Variants in ECRG4 observed in about 807,000 individuals in gnomAD.
ECRG4 encodes augurin.
A neutral mutation model predicts 15.8 loss-of-function variants in ECRG4; 18 were observed. The observed-to-expected ratio is 1.14, with a 90% confidence interval of 0.79 to 1.69. The LOEUF (loss-of-function observed/expected upper bound fraction) is 1.69. Among genes scored for constraint, ECRG4 ranks in the 40% most tolerant of loss-of-function variants. The pLI, the probability that ECRG4 is intolerant of heterozygous loss-of-function variation, is 0.00. For synonymous variants in ECRG4, 82 were observed against 73.9 expected (o/e 1.11, Z -0.56); for missense variants, 200 against 190.9 (o/e 1.05, Z -0.28).
At position 106,077,983 on chromosome 2, in the gene ECRG4, C is replaced by CTAA; in HGVS notation, c.*59_*61dup. 1 of 1,530,140 alleles carries CTAA rather than the reference C, an allele frequency of 6.5e-7. No homozygotes were observed. The highest frequency in any genetic ancestry group is 8.9e-7 in the Non-Finnish European group (1 of 1,123,388). The allele number at this position is 1,530,140 out of a possible 1,614,324, so 94.8% of individuals were successfully genotyped here. ...AATAGCGATTCTCTTCATGTATCTCCTAATGCCTTACACTACTTGGTTTCT... is the reference window on the plus strand; with the variant it reads ...AATAGCGATTCTCTTCATGTATCTCCTAATAATGCCTTACACTACTTGGTTTCT... On this transcript the variant is annotated 3_prime_UTR_variant, in exon 4 of 4. Coordinates refer to ENST00000238044, the MANE Select transcript of ECRG4 (RefSeq NM_032411.3).
At chr2:106,072,123 G>A in intron 2 of ECRG4, 2 of 488,986 alleles carry the variant, frequency 4.1e-6, no homozygotes, top group East Asian at 3.2e-5. Context: ...CTGTCAGTGT[G>A]GACTCAAAAA....
At chr2:106,070,888 C>T (rs1455234172) in intron 1 of ECRG4, 1 of 470,964 alleles carries the variant, frequency 2.1e-6, no homozygotes, top group Non-Finnish European at 4.4e-6. Flanking sequence ...GTTCCTTACA[C>T]CCGAAGTTGC....
At chr2:106,064,851 T>A (rs1022346273), upstream of ECRG4, among the ~76,000 whole-genome samples, 1 of 152,156 alleles carries the variant, frequency 6.6e-6, no homozygotes, top group African/African-American at 2.4e-5. Flanking sequence ...GATAAAGTTG[T>A]TCTAGTTTTT....
chr2:106,063,965 A>G (rs992706505), upstream of ECRG4, among the ~76,000 whole-genome samples: 9 of 152,260 alleles, frequency 5.9e-5, no homozygotes. Context: ...CACAGGATAA[A>G]TAAGATTACA....
At chr2:106,073,746 A>C in intron 2 of ECRG4, 140 bp from the exon 3 acceptor site, 7 of 944,762 alleles carry the variant, frequency 7.4e-6, no homozygotes, top group Non-Finnish European at 1.2e-5. Flanking sequence ...TCACATTGTC[A>C]CATGCAAGTA....
At chr2:106,071,442 A>G (rs1045268406) in intron 1 of ECRG4, among the ~76,000 whole-genome samples, 16 of 152,132 alleles carry the variant, frequency 1.1e-4, no homozygotes, top group African/African-American at 2.4e-4. Flanking sequence ...TTTCCAAATA[A>G]GCTCACATTC....
chr2:106,067,472 ATTT>A (rs70953554), intron 1 of ECRG4, among the ~76,000 whole-genome samples: 1 of 145,600 alleles, frequency 6.9e-6, no homozygotes, highest in Non-Finnish European at 1.5e-5. Flanking sequence ...CAGTGAAAAT[ATTT>A]TTTTTTTTTT....
chr2:106,076,686 T>G (rs7584287), intron 3 of ECRG4, among the ~76,000 whole-genome samples: 65,310 of 152,014 alleles, frequency 0.43, 14,133 homozygotes, highest in South Asian at 0.56. Context: ...AACAACAGGT[T>G]GCTGAGTCCC....
In ECRG4 at chr2:106,077,874, G is replaced by C. The variant is rs749261815; in HGVS notation, c.395G>C (p.Arg132Pro). The C allele has an allele frequency of 7.4e-6, 12 of 1,614,128 alleles. No homozygotes were observed. Among genetic ancestry groups the C allele is most frequent in the Middle Eastern group, 3.3e-4 (2 of 6,062 alleles). The stretch of plus-strand genomic sequence containing the variant: ...GATGAAGACTCTGCAATTGGTCCCC[G>C]GAGCCCCTACGGCTTTAGGCATGGA... ...HYDEDSAIGP[R>P]SPYGFRHGAS... is the part of the protein sequence containing the mutation. The change falls in exon 4 of 4, where the codon CGG becomes CCG. Residue 132 changes from arginine (R) to proline (P), a missense_variant. Arg to Pro is a moderately radical substitution (Grantham distance 103). Coordinates refer to ENST00000238044, the MANE Select transcript of ECRG4 (RefSeq NM_032411.3).
intron 1 of ECRG4, among the ~76,000 whole-genome samples, chr2:106,069,143 CTT>C (rs1002560487): frequency 3.8e-4 from 48 of 126,854 alleles, no homozygotes; most frequent in Admixed American, 3.5e-3. Flanking sequence ...TTCTTTCTTT[CTT>C]TCTTTTCTTT....
intron 3 of ECRG4, among the ~76,000 whole-genome samples, chr2:106,075,721 C>CA (rs1398052497): frequency 7.5e-5 from 11 of 146,656 alleles, no homozygotes; most frequent in African/African-American, 2.6e-4. Context: ...GACTCCGTCT[C>CA]AAAAAAGAAA....
At chr2:106,070,949 A>G (rs1278034866) in intron 1 of ECRG4, 5 of 471,360 alleles carry the variant, frequency 1.1e-5, no homozygotes, top group Middle Eastern at 3.2e-4. Context: ...AGAGGCTCCT[A>G]TAGGTCTGCA....
chr2:106,069,843 G>A (rs1676324043), intron 1 of ECRG4, among the ~76,000 whole-genome samples: 1 of 152,298 alleles, frequency 6.6e-6, no homozygotes, highest in Non-Finnish European at 1.5e-5. Flanking sequence ...CGACAGGACA[G>A]TTACTTTCTT....
At chr2:106,067,860 G>A (rs1049930257) in intron 1 of ECRG4, among the ~76,000 whole-genome samples, 1 of 150,826 alleles carries the variant, frequency 6.6e-6, no homozygotes, top group Non-Finnish European at 1.5e-5. Flanking sequence ...TTTGAGACAG[G>A]GTCTCACTTT....
At position 106,071,887 on chromosome 2, in the gene ECRG4, A is replaced by G. The variant is rs892177996; in HGVS notation, c.123A>G (p.Arg41=). ...AACTCAAGCTGATGCTTCAAAAACG[A>G]GAAGGTAAATATACCCCAAATGGAT... The part of the protein sequence containing the change: ...GNKLKLMLQK[R]EAPVPTKTKV... The change falls in exon 2 of 4, where the codon CGA becomes CGG. Residue 41 remains arginine (R), a synonymous_variant. Transcript: ENST00000238044. 9.9e-6 allele frequency: 16 copies of G among 1,613,160 alleles called. No individual in the cohort carries two copies. Among genetic ancestry groups the G allele is most frequent in the African/African-American group, 1.3e-5 (1 of 74,916 alleles).
At chr2:106,072,568 T>G (rs2104796026) in intron 2 of ECRG4, among the ~76,000 whole-genome samples, 1 of 152,354 alleles carries the variant, frequency 6.6e-6, no homozygotes. Context: ...TTTAGTCAGT[T>G]ATTCTTTCCC....
At chr2:106,076,346 A>T (rs1176641554) in intron 3 of ECRG4, among the ~76,000 whole-genome samples, 1 of 152,178 alleles carries the variant, frequency 6.6e-6, no homozygotes, top group Non-Finnish European at 1.5e-5. Flanking sequence ...GAATAAAATA[A>T]AATGAGAAAA....
At chr2:106,068,815 C>T (rs1676278760) in intron 1 of ECRG4, among the ~76,000 whole-genome samples, 1 of 152,214 alleles carries the variant, frequency 6.6e-6, no homozygotes, top group Non-Finnish European at 1.5e-5. Flanking sequence ...TAGATTTCTT[C>T]ATTGAATTTA....
At chr2:106,065,318 G>C (rs1258468552), upstream of ECRG4, among the ~76,000 whole-genome samples, 2 of 142,794 alleles carry the variant, frequency 1.4e-5, no homozygotes, top group Non-Finnish European at 3.1e-5. Context: ...GGGGAGCCAA[G>C]GAGACACCCC....
Sources: allele counts gnomAD v4.1 joint callset (sites outside exome capture counted in the v4.1 genomes callset), GRCh38; gene constraint gnomAD v4.1.1; transcripts MANE v1.5; gene names NCBI Gene and HGNC (gene_info 2026-07-23, HGNC 2026-07-21).